Variants in EIF3A observed in about 807,000 individuals in gnomAD.
EIF3A encodes the protein EIF3, p180 subunit.
EIF3A carries 21 observed loss-of-function variants against 186.6 expected under a neutral mutation model. The observed-to-expected ratio is 0.11, with a 90% confidence interval of 0.08 to 0.16. EIF3A has a LOEUF of 0.16. Ranked by LOEUF, EIF3A falls within the 10% of genes least tolerant of loss-of-function variation. The pLI, the probability that EIF3A is intolerant of heterozygous loss-of-function variation, is 1.00. For synonymous variants in EIF3A, 563 were observed against 584.3 expected, an observed-to-expected ratio of 0.96 and a Z score of 0.52; for missense variants, 1,306 against 1,796.3, an observed-to-expected ratio of 0.73 and a Z score of 4.93.
rs139031447 is a variant in EIF3A, at chr10:119,076,717, C to T, written c.50-2780G>A. Among the ~76,000 whole-genome samples the T allele has an allele frequency of 2.7e-3, 410 of 152,156 alleles. 2 individuals carry two copies. Among genetic ancestry groups the T allele is most frequent in the African/African-American group, 9.3e-3 (388 of 41,528 alleles). ...AGCCCTCTGGGAGGCCAAGGCATCA[C>T]TTGCGGTCAGGAGTTCCAGATCAGC... On this transcript the variant is annotated intron_variant, in intron 1 of 21. Transcript: ENST00000369144.
intron 7 of EIF3A, among the ~76,000 whole-genome samples, chr10:119,062,111 T>G (rs986672770): frequency 6.6e-6 from 1 of 152,156 alleles, no homozygotes; most frequent in African/African-American, 2.4e-5. Context: ...ATTCTAACAC[T>G]TCCTCCTTAT....
At chr10:119,070,463 A>G (rs921333897) in intron 5 of EIF3A, among the ~76,000 whole-genome samples, 1 of 152,232 alleles carries the variant, frequency 6.6e-6, no homozygotes, top group Admixed American at 6.5e-5. Flanking sequence ...CACAAAAATG[A>G]AACAGAAAAA....
rs759323330 is a variant in EIF3A at position 119,057,981 on chromosome 10, T to C, written c.1952A>G (p.Lys651Arg). ...TTCAATATCAATATCTTTGAATGCT[T>C]TGGCACCCAGTTCTGTTTTCTTGAT... ...EQIKKTELGA[K>R]AFKDIDIEDL... The change falls in exon 12 of 22, where the codon AAA (lysine) becomes AGA (arginine). Residue 651 changes from lysine (K) to arginine (R), a missense_variant. By Grantham distance (26) the Lys-to-Arg change is conservative. Around this residue, in one of 8 missense-constraint regions of EIF3A, gnomAD observed 94 missense variants for 204.9 expected, o/e 0.46. Transcript: ENST00000369144. 1.9e-6 allele frequency: 3 copies of C among 1,613,028 alleles called. No homozygotes were observed. Among genetic ancestry groups the C allele is most frequent in the South Asian group, 1.1e-5 (1 of 90,830 alleles).
rs571324503 is a variant in EIF3A, at chr10:119,065,114, T to C, written c.1122+285A>G. On this transcript the variant is annotated intron_variant, in intron 7 of 21. Coordinates refer to ENST00000369144, the MANE Select transcript of EIF3A (RefSeq NM_003750.4). ...CCTAGAGCCTCCATGAAATAAGCCA[T>C]GACTCTTCTTGCCCATCATTACTTC... is the stretch of plus-strand genomic sequence containing the variant. 5.3e-5 allele frequency among the ~76,000 whole-genome samples: 8 copies of C among 152,310 alleles called. No homozygotes were observed. In the South Asian group the frequency reaches 1.7e-3, roughly 32 times the overall value.
chr10:119,060,848 T>C lies in EIF3A; in HGVS notation c.1228-4A>G, dbSNP rs1224768109. 1 of 1,571,334 alleles carries C rather than the reference T, an allele frequency of 6.4e-7. No individual in the cohort carries two copies. The highest frequency in any genetic ancestry group is 1.7e-4 in the Middle Eastern group (1 of 5,946). ...GTTCCCTAACCCAATTTAGAACCTA[T>C]AAAATCCATTAAATTGAAAGAGAAT... On this transcript the variant is annotated splice_region_variant and splice_polypyrimidine_tract_variant and intron_variant, in intron 8 of 21. Transcript: ENST00000369144.
At chr10:119,078,502 G>A (rs189381161) in intron 1 of EIF3A, among the ~76,000 whole-genome samples, 7 of 152,112 alleles carry the variant, frequency 4.6e-5, no homozygotes, top group Admixed American at 4.6e-4. Context: ...CCAATTAGGG[G>A]AATGCCCTTT....
intron 18 of EIF3A, among the ~76,000 whole-genome samples, chr10:119,043,564 G>A (rs1407440973): frequency 5.9e-5 from 9 of 152,084 alleles, no homozygotes; most frequent in Non-Finnish European, 7.4e-5. Context: ...GTAGTGAGCC[G>A]AGATCGCGCC....
chr10:119,039,712 G>A (rs1848182974), intron 19 of EIF3A, among the ~76,000 whole-genome samples: 1 of 152,078 alleles, frequency 6.6e-6, no homozygotes. Context: ...CAAGCACAAG[G>A]TGGCTATGAT....
At chr10:119,066,724 A>C (rs1006348547) in intron 6 of EIF3A, among the ~76,000 whole-genome samples, 1 of 152,062 alleles carries the variant, frequency 6.6e-6, no homozygotes, top group Non-Finnish European at 1.5e-5. Context: ...CCTGGAGCTG[A>C]AGGGCTAGCA....
At position 119,080,367 on chromosome 10, in the gene EIF3A, C is replaced by G. The variant is rs1844244619; in HGVS notation, c.49+261G>C. 4.1e-6 allele frequency: 4 copies of G among 985,320 alleles called. No homozygotes were observed. The South Asian group carries it at 1.4e-4, about 35-fold the overall frequency. The allele number at this position is 985,320 out of a possible 1,614,324, so 61.0% of individuals were successfully genotyped here. A position where few individuals can be genotyped will look rare whatever the true frequency, so the allele number is the denominator to read the frequency against. Reference sequence around the variant, plus strand: ...TAGGGGCTGTCTCCCGGGCTGCGGTCCCCGCGACGCACCCGGAGGCGGCAG... The same window carrying G: ...TAGGGGCTGTCTCCCGGGCTGCGGTGCCCGCGACGCACCCGGAGGCGGCAG... On this transcript the variant is annotated intron_variant, in intron 1 of 21. Transcript: ENST00000369144.
chr10:119,057,106 T>C, intron 12 of EIF3A, 66 bp from the exon 13 acceptor site: 1 of 871,166 alleles, frequency 1.1e-6, no homozygotes, highest in South Asian at 1.5e-5. Context: ...CATAACTCAC[T>C]GCTTTCTAGA....
At chr10:119,037,421 T>A in intron 20 of EIF3A, 112 bp from the exon 21 acceptor site, 1 of 938,332 alleles carries the variant, frequency 1.1e-6, no homozygotes, top group Non-Finnish European at 1.6e-6. Flanking sequence ...ACAGACAGTT[T>A]AAACTCATAA....
chr10:119,037,246 G>A lies in EIF3A; in HGVS notation c.3792C>T (p.Arg1264=), dbSNP rs150561479. ...EESSSWRDSS[R]RDDRDRDDRR... ...GGTCATCCCTATCCCTATCGTCCCG[G>A]CGACTTGAGTCTCTCCAGCTTGAAG... Residue 1264 remains arginine (R), a synonymous_variant, in exon 21 of 22, where the codon CGC becomes CGT. Coordinates refer to ENST00000369144, the MANE Select transcript of EIF3A (RefSeq NM_003750.4). 4.8e-5 allele frequency: 78 copies of A among 1,614,056 alleles called. No individual in the cohort carries two copies. Among genetic ancestry groups the A allele is most frequent in the Non-Finnish European group, 6.6e-5 (78 of 1,180,002 alleles).
In EIF3A at chr10:119,035,268, ATT is replaced by A. The variant is rs1238929687; in HGVS notation, c.*769_*770del. 1 of 152,626 alleles carries A rather than the reference ATT, an allele frequency of 6.6e-6. No homozygotes were observed. Among genetic ancestry groups the A allele is most frequent in the Admixed American group, 6.5e-5 (1 of 15,274 alleles). The allele number at this position is 152,626 out of a possible 1,614,324, so 9.5% of individuals were successfully genotyped here. A position where few individuals can be genotyped will look rare whatever the true frequency, so the allele number is the denominator to read the frequency against. ...TCCTCCAAACCATACATTTATAAAT[ATT>A]GTCATATTTAAAATGCTTGAAAGGC... On this transcript the variant is annotated 3_prime_UTR_variant, in exon 22 of 22. Coordinates refer to ENST00000369144, the MANE Select transcript of EIF3A (RefSeq NM_003750.4).
chr10:119,072,675 G>T (rs911999072), intron 4 of EIF3A, among the ~76,000 whole-genome samples: 1 of 152,150 alleles, frequency 6.6e-6, no homozygotes, highest in Non-Finnish European at 1.5e-5. Context: ...GGCCGCTCTT[G>T]AACTCCTGAC....
At chr10:119,044,230 C>A in intron 17 of EIF3A, 88 bp from the exon 18 acceptor site, 1 of 918,238 alleles carries the variant, frequency 1.1e-6, no homozygotes, top group Non-Finnish European at 1.8e-6. Context: ...ATTTTTTGTA[C>A]TTATAACAAT....
intron 14 of EIF3A, among the ~76,000 whole-genome samples, chr10:119,054,246 G>A (rs752715001): frequency 5.9e-5 from 9 of 152,056 alleles, no homozygotes; most frequent in Admixed American, 1.3e-4. Flanking sequence ...ACCTCTCTCA[G>A]CTATTTGTAT....
Position 119,044,081 on chromosome 10 carries a change from G to A in EIF3A, c.2720C>T (p.Ser907Phe), listed in dbSNP as rs1481059367. Reference sequence around the variant, plus strand: ...CTCTGGCGGGCCTCTTCTCCACTCAGAATCTGCTTCAGGTCCTTTTCTCCA... The same window carrying A: ...CTCTGGCGGGCCTCTTCTCCACTCAAAATCTGCTTCAGGTCCTTTTCTCCA... ...GTWRKGPEADSEWRRGPPEKE... is the reference protein window; with the variant it reads ...GTWRKGPEADFEWRRGPPEKE... Residue 907 changes from serine (S) to phenylalanine (F), a missense_variant, in exon 18 of 22, where the codon TCT (serine) becomes TTT (phenylalanine). By Grantham distance (155) the Ser-to-Phe change is radical. Transcript: ENST00000369144. The A allele has an allele frequency of 5.0e-6, 8 of 1,613,784 alleles. No individual in the cohort carries two copies. The highest frequency in any genetic ancestry group is 5.9e-6 in the Non-Finnish European group (7 of 1,179,856).
At chr10:119,059,013 T>C (rs1278095712) in intron 11 of EIF3A, among the ~76,000 whole-genome samples, 199 bp downstream of exon 11, 1 of 152,186 alleles carries the variant, frequency 6.6e-6, no homozygotes, top group Admixed American at 6.5e-5. Context: ...CTACACAGAG[T>C]AGTATTTTGT....
Sources: gnomAD v4.1 joint callset for allele counts (sites outside exome capture counted in the v4.1 genomes callset) on GRCh38, gnomAD v4.1.1 for gene constraint, gnomAD v4.1.1 regional missense constraint, MANE v1.5 for transcripts, NCBI Gene and HGNC (gene_info 2026-07-23, HGNC 2026-07-21) for gene names.